APOBEC3B: variants seen among roughly 807,000 people sequenced by gnomAD.
APOBEC3B encodes the protein DNA dC->dU-editing enzyme APOBEC-3B.
In APOBEC3B, 29 loss-of-function variants were observed where a neutral mutation model predicts 53.4. The ratio of observed to expected loss-of-function variants is 0.54; its 90% confidence interval spans 0.40 to 0.74. The LOEUF is 0.74. APOBEC3B is among the 30% of genes least tolerant of loss of function. APOBEC3B has a pLI of 0.00. For missense variants in APOBEC3B, 347 were observed against 496.2 expected (o/e 0.70, Z 2.86); for synonymous variants, 132 against 184.8 (o/e 0.71, Z 2.32).
chr22:38,987,315 C>A (rs1787813421), intron 4 of APOBEC3B, among the ~76,000 whole-genome samples: 1 of 147,976 alleles, frequency 6.8e-6, no homozygotes, highest in African/African-American at 2.5e-5. Context: ...TCCTCTGCCA[C>A]CCCCACTCCC....
At chr22:38,984,926 G>C (rs1923677599) in intron 2 of APOBEC3B, among the ~76,000 whole-genome samples, 1 of 125,644 alleles carries the variant, frequency 8.0e-6, no homozygotes, top group Non-Finnish European at 1.6e-5. Context: ...TTCCGAGATG[G>C]AGTCTCGCTC....
intron 1 of APOBEC3B, 95 bp from the exon 2 acceptor site, chr22:38,983,980 C>G (rs1371892863): frequency 7.0e-7 from 1 of 1,437,894 alleles, no homozygotes; most frequent in African/African-American, 1.4e-5. Flanking sequence ...CGGGGAGGCC[C>G]AGGGCCATCC....
In APOBEC3B at chr22:38,986,304, C is replaced by T. The variant is rs1311729520; in HGVS notation, c.461C>T (p.Ala154Val). Residue 154 changes from alanine (A) to valine (V), a missense_variant, in exon 4 of 8, where the codon GCA (alanine) becomes GTA (valine). Around this residue, in one of 5 missense-constraint regions of APOBEC3B, gnomAD observed 156 missense variants for 166.7 expected, o/e 0.94. Coordinates refer to ENST00000333467, the MANE Select transcript of APOBEC3B (RefSeq NM_004900.5). ...RVTIMDYEEF[A>V]YCWENFVYNE... ...TCCCGCTTCTTCATCTCAGAATTTG[C>T]ATACTGCTGGGAAAACTTTGTGTAC... 6.3e-7 allele frequency: 1 copy of T among 1,593,244 alleles called. No individual in the cohort carries two copies. Among genetic ancestry groups the T allele is most frequent in the African/African-American group, 1.3e-5 (1 of 74,356 alleles).
chr22:38,983,035 G>C (rs1416264084), intron 1 of APOBEC3B, among the ~76,000 whole-genome samples: 1 of 148,418 alleles, frequency 6.7e-6, no homozygotes, highest in South Asian at 2.2e-4. Context: ...AACATGACCA[G>C]TGGTTGAGCG....
chr22:38,987,006 C>G (rs530044024), intron 4 of APOBEC3B, among the ~76,000 whole-genome samples: 3 of 148,804 alleles, frequency 2.0e-5, no homozygotes, highest in East Asian at 2.3e-4. Context: ...TCCTCCCATC[C>G]AGGTGAGAAA....
In APOBEC3B at chr22:38,992,035, G is replaced by A. The variant is rs201917450; in HGVS notation, c.1020G>A (p.Glu340=). The change falls in exon 7 of 8, where the codon GAG becomes GAA. Residue 340 remains glutamate (E), a splice_region_variant and synonymous_variant. Transcript: ENST00000333467. The stretch of plus-strand genomic sequence containing the variant: ...CTTATCTCCCCTGTCCCTTTTCAGA[G>A]TTTGAGTACTGCTGGGACACCTTTG... ...GAQVSIMTYD[E]FEYCWDTFVY... is the part of the protein sequence containing the mutation. 189 of 1,580,744 alleles carry A rather than the reference G, an allele frequency of 1.2e-4. 10 individuals carry two copies. In the African/African-American group the frequency reaches 1.3e-3, roughly 11 times the overall value.
rs910538382 is a variant in APOBEC3B, at chr22:38,983,861, G to A, written c.18-214G>A. Reference sequence around the variant, plus strand: ...CCCTGGAAAGGCCAGAGTTGGACCCGAGCTGGGAGAGATCACCCCAGCCCG... The same window carrying A: ...CCCTGGAAAGGCCAGAGTTGGACCCAAGCTGGGAGAGATCACCCCAGCCCG... On this transcript the variant is annotated intron_variant, in intron 1 of 7. Coordinates refer to ENST00000333467, the MANE Select transcript of APOBEC3B (RefSeq NM_004900.5). 4.0e-5 allele frequency among the ~76,000 whole-genome samples: 6 copies of A among 148,206 alleles called. 1 individual carries two copies. The highest frequency in any genetic ancestry group is 7.4e-5 in the Non-Finnish European group (5 of 67,166).
intron 4 of APOBEC3B, among the ~76,000 whole-genome samples, chr22:38,988,893 C>T (rs1774315641): frequency 6.8e-6 from 1 of 146,218 alleles, no homozygotes; most frequent in Non-Finnish European, 1.5e-5. Flanking sequence ...TCCTGAGCTG[C>T]CCCATCTGGC....
In APOBEC3B at chr22:38,989,683, G is replaced by C. The variant is rs948122583; in HGVS notation, c.723+73G>C. The C allele has an allele frequency of 2.2e-5, 31 of 1,384,320 alleles. 8 individuals carry two copies. In the East Asian group the frequency reaches 7.2e-4, roughly 32 times the overall value. 85.8% of individuals were successfully genotyped at this position (1,384,320 alleles called of 1,614,324 possible). ...GGACACTCATAGATAGAAGGTTCTG[G>C]GTGGTGCCTGTGGTTTCCTGCAGTG... On this transcript the variant is annotated intron_variant, in intron 5 of 7. Coordinates refer to ENST00000333467, the MANE Select transcript of APOBEC3B (RefSeq NM_004900.5).
At chr22:38,987,837 C>T (rs1282624756) in intron 4 of APOBEC3B, among the ~76,000 whole-genome samples, 2 of 148,444 alleles carry the variant, frequency 1.3e-5, no homozygotes, top group African/African-American at 4.9e-5. Context: ...TGGCTTATGC[C>T]TATAATCCTA....
chr22:38,986,980 G>A (rs1923768093), intron 4 of APOBEC3B, among the ~76,000 whole-genome samples: 1 of 148,728 alleles, frequency 6.7e-6, no homozygotes, highest in African/African-American at 2.4e-5. Flanking sequence ...GCAGGATCCA[G>A]GGGTCCCTCC....
At chr22:38,989,371 G>T (rs1923896108) in intron 4 of APOBEC3B, 86 bp from the exon 5 acceptor site, 2 of 1,304,792 alleles carry the variant, frequency 1.5e-6, no homozygotes, top group Admixed American at 2.2e-5. Flanking sequence ...GGGGAGCAGG[G>T]AAGGAGTGGG....
In APOBEC3B at chr22:38,992,773, A is replaced by G. The variant is rs1454842984; in HGVS notation, c.*328A>G. On this transcript the variant is annotated 3_prime_UTR_variant, in exon 8 of 8. Transcript: ENST00000333467. ...AGAATCTTCCATAATTGTTTCCACAAACACTAGCAAATGTGTAGATGTCTT... is the reference window on the plus strand; with the variant it reads ...AGAATCTTCCATAATTGTTTCCACAGACACTAGCAAATGTGTAGATGTCTT... 3 of 614,980 alleles carry G rather than the reference A, an allele frequency of 4.9e-6. No individual in the cohort carries two copies. The highest frequency in any genetic ancestry group is 5.4e-6 in the Non-Finnish European group (2 of 372,720). The allele number at this position is 614,980 out of a possible 1,614,324, so 38.1% of individuals were successfully genotyped here. A position where few individuals can be genotyped will look rare whatever the true frequency, so the allele number is the denominator to read the frequency against.
intron 5 of APOBEC3B, 64 bp downstream of exon 5, chr22:38,989,674 A>G: frequency 6.9e-7 from 1 of 1,444,946 alleles, no homozygotes; most frequent in South Asian, 1.4e-5. Context: ...TCATAGATAG[A>G]AGGTTCTGGG....
intron 1 of APOBEC3B, among the ~76,000 whole-genome samples, chr22:38,983,219 T>C (rs1460728142): frequency 1.4e-5 from 2 of 147,836 alleles, no homozygotes; most frequent in Non-Finnish European, 3.0e-5. Flanking sequence ...TCAGGAGGTT[T>C]AGGCAGGAGA....
intron 4 of APOBEC3B, among the ~76,000 whole-genome samples, chr22:38,988,386 C>G (rs1923822081): frequency 6.7e-6 from 1 of 148,906 alleles, no homozygotes; most frequent in South Asian, 2.2e-4. Context: ...CTTCACTTGT[C>G]TTTAAATGAG....
intron 5 of APOBEC3B, among the ~76,000 whole-genome samples, chr22:38,989,873 G>C (rs8139465): frequency 0.027 from 3,966 of 148,652 alleles, 366 homozygotes; most frequent in African/African-American, 0.091. Context: ...CTCTCACCAG[G>C]AATGATTCGG....
rs557161499 is a variant in APOBEC3B, at chr22:38,983,301, G to A, written c.18-774G>A. Among the ~76,000 whole-genome samples, 21 of 147,256 alleles carry A rather than the reference G, an allele frequency of 1.4e-4. 2 individuals carry two copies. Among genetic ancestry groups the A allele is most frequent in the Non-Finnish European group, 2.4e-4 (16 of 67,046 alleles). ...CCACTGCACTCCAGCCTGGGCGACA[G>A]AGTGAGACTTCATCAAAAAAAAAAA... is the stretch of plus-strand genomic sequence containing the variant. On this transcript the variant is annotated intron_variant, in intron 1 of 7. Transcript: ENST00000333467.
rs1191405664 is a variant in APOBEC3B, at chr22:38,987,301, C to T, written c.569+889C>T. Among the ~76,000 whole-genome samples the T allele has an allele frequency of 2.0e-5, 3 of 147,756 alleles. 1 individual carries two copies. The East Asian group carries it at 6.9e-4, about 34-fold the overall frequency. ...CCCCAGCCCTGGGCTCTCTCCCCTC[C>T]TGTTCCTCTGCCACCCCCACTCCCA... On this transcript the variant is annotated intron_variant, in intron 4 of 7. Transcript: ENST00000333467.
Sources: gnomAD v4.1 joint callset for allele counts (sites outside exome capture counted in the v4.1 genomes callset) on GRCh38, gnomAD v4.1.1 for gene constraint, gnomAD v4.1.1 regional missense constraint, MANE v1.5 for transcripts, NCBI Gene and HGNC (gene_info 2026-07-23, HGNC 2026-07-21) for gene names.